The following LIMCH1 variants were observed in gnomAD, a reference collection of about 807,000 sequenced individuals.
LIMCH1 encodes the protein LIM and calponin homology domains 1, also known as LIM and calponin homology domains-containing protein 1.
Under a neutral mutation model 176.5 loss-of-function variants are expected in LIMCH1, and 113 were observed. The ratio of observed to expected loss-of-function variants is 0.64; its 90% CI spans 0.55 to 0.75. The LOEUF is 0.75. Ranked by LOEUF, LIMCH1 falls within the 30% of genes least tolerant of loss-of-function variation. The pLI is 0.00. For missense variants in LIMCH1, 1,674 were observed against 1,814.9 expected (o/e 0.92, Z 1.41); for synonymous variants, 619 against 645.9 (o/e 0.96, Z 0.63).
chr4:41,373,788 T>G (rs1239450114), intron 1 of LIMCH1, among the ~76,000 whole-genome samples: 1 of 152,158 alleles, frequency 6.6e-6, no homozygotes, highest in African/African-American at 2.4e-5. Flanking sequence ...TGCCCAAATC[T>G]CATGTTGAAT....
intron 1 of LIMCH1, among the ~76,000 whole-genome samples, chr4:41,544,782 G>A (rs975664252): frequency 3.9e-5 from 6 of 152,154 alleles, no homozygotes; most frequent in African/African-American, 1.4e-4. Context: ...CCATTAGGAT[G>A]CTTATGCTTC....
chr4:41,366,173 T>G (rs1462151397), intron 1 of LIMCH1, among the ~76,000 whole-genome samples: 2 of 152,202 alleles, frequency 1.3e-5, no homozygotes, highest in East Asian at 3.8e-4. Context: ...AAAATTATGT[T>G]AATGATGCTG....
chr4:41,555,077 G>C (rs575452383), intron 1 of LIMCH1, among the ~76,000 whole-genome samples: 1 of 152,234 alleles, frequency 6.6e-6, no homozygotes, highest in East Asian at 1.9e-4. Flanking sequence ...ATTGATATTT[G>C]GGGTTTTGCT....
chr4:41,496,886 A>C (rs1196224188), intron 2 of LIMCH1, among the ~76,000 whole-genome samples: 1 of 152,134 alleles, frequency 6.6e-6, no homozygotes. Context: ...ATTAGATTAG[A>C]ATGCCTAAGA....
intron 1 of LIMCH1, among the ~76,000 whole-genome samples, chr4:41,559,851 C>T (rs1471237652): frequency 6.6e-6 from 1 of 152,092 alleles, no homozygotes; most frequent in Non-Finnish European, 1.5e-5. Flanking sequence ...GATTCTTGTG[C>T]ACCTCTGTCT....
intron 2 of LIMCH1, among the ~76,000 whole-genome samples, chr4:41,500,996 C>T (rs912553628): frequency 6.6e-6 from 1 of 152,152 alleles, no homozygotes; most frequent in Non-Finnish European, 1.5e-5. Context: ...CATCTACAGG[C>T]AGCATGAATG....
At chr4:41,467,358 T>A (rs953599687) in intron 1 of LIMCH1, among the ~76,000 whole-genome samples, 3 of 152,198 alleles carry the variant, frequency 2.0e-5, no homozygotes, top group African/African-American at 7.2e-5. Context: ...CTCATGCTGT[T>A]AATAAAGTCA....
intron 1 of LIMCH1, among the ~76,000 whole-genome samples, chr4:41,593,025 A>T (rs1179924517): frequency 6.6e-6 from 1 of 152,184 alleles, no homozygotes; most frequent in Non-Finnish European, 1.5e-5. Context: ...GCACTTGTAC[A>T]TGTCAGGAAC....
chr4:41,492,101 A>T lies in LIMCH1; in HGVS notation c.97-2435A>T, dbSNP rs1583064310. On this transcript the variant is annotated intron_variant, in intron 1 of 26. Coordinates refer to the LIMCH1 transcript ENST00000313860. ...AGCCGAGATCACGCCACTGCACTCC[A>T]GCCTGGGCAACATTGAGCATTGAGT... 2.0e-5 allele frequency among the ~76,000 whole-genome samples: 3 copies of T among 152,322 alleles called. No homozygotes were observed. The East Asian group carries it at 5.8e-4, about 29-fold the overall frequency.
intron 25 of LIMCH1, among the ~76,000 whole-genome samples, chr4:41,682,078 G>A (rs950824444): frequency 1.3e-5 from 2 of 152,086 alleles, no homozygotes; most frequent in African/African-American, 2.4e-5. Flanking sequence ...TGAAATGAGC[G>A]GTCCTATGAC....
At chr4:41,641,551 C>CT (rs1236310735) in intron 14 of LIMCH1, among the ~76,000 whole-genome samples, 5 of 151,820 alleles carry the variant, frequency 3.3e-5, no homozygotes, top group Non-Finnish European at 7.4e-5. Context: ...AGATTTTGAA[C>CT]TTTTTTAGAT....
intron 1 of LIMCH1, among the ~76,000 whole-genome samples, chr4:41,394,069 C>T (rs924497525): frequency 6.6e-6 from 1 of 152,040 alleles, no homozygotes; most frequent in Non-Finnish European, 1.5e-5. Context: ...GGATTGAGTT[C>T]TTTGTCTATG....
intron 1 of LIMCH1, among the ~76,000 whole-genome samples, chr4:41,419,662 T>TC (rs1561311686): frequency 1.5e-5 from 1 of 66,264 alleles, no homozygotes; most frequent in African/African-American, 9.4e-5. Flanking sequence ...CCTTCCTTCC[T>TC]TCCTTCCTTC....
chr4:41,361,786 T>A (rs2052114430), intron 1 of LIMCH1, among the ~76,000 whole-genome samples: 1 of 152,118 alleles, frequency 6.6e-6, no homozygotes, highest in Non-Finnish European at 1.5e-5. Flanking sequence ...ATGAACTGTC[T>A]GCGGGGTTCA....
At chr4:41,631,015 C>A (rs1161449744) in intron 9 of LIMCH1, 133 bp from the exon 10 acceptor site, 2 of 764,692 alleles carry the variant, frequency 2.6e-6, no homozygotes, top group Middle Eastern at 3.4e-4. Context: ...TTGGTTGAAT[C>A]CCGTCAGTGG....
In LIMCH1 at chr4:41,666,678, A is replaced by C. The variant is rs561341481; in HGVS notation, c.3397+12A>C. ...TCTCAATTCTCAAGGTAAAGAGGAC[A>C]TGTTTTATTTTAGGTCTGCATGTTC... On this transcript the variant is annotated intron_variant, in intron 21 of 31. Coordinates refer to ENST00000503057, the MANE Select transcript of LIMCH1 (RefSeq NM_001330672.2). 9 of 1,569,850 alleles carry C rather than the reference A, an allele frequency of 5.7e-6. No homozygotes were observed. In the African/African-American group the frequency reaches 1.1e-4, roughly 19 times the overall value.
intron 29 of LIMCH1, among the ~76,000 whole-genome samples, chr4:41,689,289 A>G (rs1441587907): frequency 1.3e-5 from 2 of 152,192 alleles, no homozygotes; most frequent in African/African-American, 4.8e-5. Flanking sequence ...TAACTTAAAC[A>G]CACGCACCAG....
intron 1 of LIMCH1, among the ~76,000 whole-genome samples, chr4:41,451,328 G>T (rs1345151736): frequency 6.7e-6 from 1 of 150,046 alleles, no homozygotes; most frequent in African/African-American, 2.5e-5. Context: ...TTTTCTCCAT[G>T]TTGGTCAGGC....
At chr4:41,528,143 T>C (rs2076879093) in intron 3 of LIMCH1, among the ~76,000 whole-genome samples, 1 of 151,800 alleles carries the variant, frequency 6.6e-6, no homozygotes, top group Non-Finnish European at 1.5e-5. Flanking sequence ...ATACAACCAA[T>C]CCTCAATATG....
Sources: allele counts gnomAD v4.1 joint callset (sites outside exome capture counted in the v4.1 genomes callset), GRCh38; gene constraint gnomAD v4.1.1; transcripts MANE v1.5; gene names NCBI Gene and HGNC (gene_info 2026-07-23, HGNC 2026-07-21).